STXBP6: variants seen among roughly 807,000 people sequenced by gnomAD.
STXBP6 encodes syntaxin binding protein 6, also known as syntaxin-binding protein 6.
Under a neutral mutation model 26.9 loss-of-function variants are expected in STXBP6, and 21 were observed. The observed-to-expected ratio is 0.78, with a 90% CI of 0.55 to 1.12. The LOEUF (loss-of-function observed/expected upper bound fraction) is 1.12, where lower values mean the gene tolerates loss of function less well. Among genes scored for constraint, STXBP6 ranks in the 50% most tolerant of loss-of-function variants. The pLI, the probability that STXBP6 is intolerant of heterozygous loss-of-function variation, is 0.00. For missense variants in STXBP6, 232 were observed against 257.9 expected (o/e 0.90, Z 0.69); for synonymous variants, 97 against 92.6 (o/e 1.05, Z -0.27).
intron 1 of STXBP6, among the ~76,000 whole-genome samples, chr14:25,035,487 C>A (rs767948641): frequency 6.6e-6 from 1 of 152,206 alleles, no homozygotes; most frequent in Non-Finnish European, 1.5e-5. Context: ...AAGTCCAGAT[C>A]TGACATATAC....
rs542960550 is a variant in STXBP6, at chr14:24,832,387, C to T, written c.452-13193G>A. Among the ~76,000 whole-genome samples, 3 of 152,328 alleles carry T rather than the reference C, an allele frequency of 2.0e-5. No homozygotes were observed. The South Asian group carries it at 6.2e-4, about 32-fold the overall frequency. On this transcript the variant is annotated intron_variant, in intron 4 of 5. Transcript: ENST00000323944. ...TTGGTGAATGTGAAATTGAGAACCT[C>T]ACCTCATAGACAGATTGGGTATTTG...
intron 2 of STXBP6, among the ~76,000 whole-genome samples, chr14:24,921,751 T>C (rs937480498): frequency 9.2e-5 from 14 of 152,110 alleles, no homozygotes; most frequent in African/African-American, 3.4e-4. Context: ...AAAAAGGAAA[T>C]TGTCCCCCTC....
At chr14:25,032,398 C>CA (rs1440354122) in intron 1 of STXBP6, among the ~76,000 whole-genome samples, 1 of 152,208 alleles carries the variant, frequency 6.6e-6, no homozygotes, top group Admixed American at 6.5e-5. Flanking sequence ...AAATGTAAAA[C>CA]AATCTCAAAT....
chr14:24,938,752 A>G (rs1165605911), intron 2 of STXBP6, among the ~76,000 whole-genome samples: 1 of 152,204 alleles, frequency 6.6e-6, no homozygotes, highest in Non-Finnish European at 1.5e-5. Flanking sequence ...GGGGTCCTCC[A>G]TAACGATCTG....
intron 2 of STXBP6, among the ~76,000 whole-genome samples, chr14:24,971,355 T>C (rs1271516364): frequency 6.6e-6 from 1 of 152,218 alleles, no homozygotes; most frequent in Non-Finnish European, 1.5e-5. Flanking sequence ...ATTTGATGCT[T>C]CATGCTGTTT....
At position 24,810,317 on chromosome 14, in the gene STXBP6, C is replaced by T. The variant is rs1461673485; in HGVS notation, c.*2392G>A. On this transcript the variant is annotated 3_prime_UTR_variant, in exon 6 of 6. Transcript: ENST00000323944. ...ACCGTATTAATACTTTGCACTGCAG[C>T]ACCTTCTACAAGAGGACAGCAAAGA... The T allele has an allele frequency of 6.6e-6, 1 of 152,204 alleles. No individual in the cohort carries two copies. Among genetic ancestry groups the T allele is most frequent in the Non-Finnish European group, 1.5e-5 (1 of 68,046 alleles). 9.4% of individuals were successfully genotyped at this position (152,204 alleles called of 1,614,324 possible).
chr14:25,028,866 A>G (rs2075398306), intron 1 of STXBP6, among the ~76,000 whole-genome samples: 1 of 152,160 alleles, frequency 6.6e-6, no homozygotes. Flanking sequence ...TAAACCTCAT[A>G]AATGACTTTG....
intron 2 of STXBP6, among the ~76,000 whole-genome samples, chr14:24,888,721 CAA>C (rs11292253): frequency 5.2e-4 from 49 of 95,106 alleles, no homozygotes; most frequent in Admixed American, 8.3e-4. Flanking sequence ...GACTCCGTCT[CAA>C]AAAAAAAAAA....
At position 24,834,253 on chromosome 14, in the gene STXBP6, C is replaced by T. The variant is rs149837958; in HGVS notation, c.452-15059G>A. On this transcript the variant is annotated intron_variant, in intron 4 of 5. Coordinates refer to ENST00000323944, the MANE Select transcript of STXBP6 (RefSeq NM_001394410.1). ...CAAGCAATCCTGCCATCTCACACTC[C>T]CAAAGTGCTGGATTATAGGTGTAAG... Among the ~76,000 whole-genome samples the T allele has an allele frequency of 1.5e-3, 232 of 152,272 alleles. 3 individuals carry two copies. Among genetic ancestry groups the T allele is most frequent in the Middle Eastern group, 0.01 (3 of 292 alleles).
chr14:25,025,092 A>G (rs1010907439), intron 1 of STXBP6, among the ~76,000 whole-genome samples: 1 of 152,220 alleles, frequency 6.6e-6, no homozygotes, highest in Non-Finnish European at 1.5e-5. Context: ...CATTAAAAAG[A>G]AAATGTGTTA....
intron 1 of STXBP6, chr14:24,987,814 T>G (rs1053291382): frequency 1.6e-5 from 16 of 984,860 alleles, no homozygotes; most frequent in Non-Finnish European, 1.8e-5. Context: ...GTGAACATAT[T>G]CTTAAAAAGG....
chr14:24,974,293 A>T lies in STXBP6; in HGVS notation c.154+372T>A, dbSNP rs541134245. ...TGTCTAGAAAAACAAAGCCAATGAA[A>T]GTCAGGCTGTGAGTAATGACAATTA... On this transcript the variant is annotated intron_variant, in intron 2 of 5. Coordinates refer to ENST00000323944, the MANE Select transcript of STXBP6 (RefSeq NM_001394410.1). Among the ~76,000 whole-genome samples the T allele has an allele frequency of 2.0e-5, 3 of 152,362 alleles. No individual in the cohort carries two copies. The South Asian group carries it at 6.2e-4, about 32-fold the overall frequency.
intron 2 of STXBP6, among the ~76,000 whole-genome samples, chr14:24,871,909 C>A (rs2069950182): frequency 6.6e-6 from 1 of 152,142 alleles, no homozygotes; most frequent in Admixed American, 6.5e-5. Context: ...TGCATCTGCT[C>A]GAGAGTCTTT....
At chr14:24,834,970 G>A (rs1209799729) in intron 4 of STXBP6, among the ~76,000 whole-genome samples, 1 of 152,148 alleles carries the variant, frequency 6.6e-6, no homozygotes, top group African/African-American at 2.4e-5. Flanking sequence ...CTAGTGCTAG[G>A]TGTTCACAAA....
chr14:24,887,417 T>C (rs1374865596), intron 2 of STXBP6, among the ~76,000 whole-genome samples: 5 of 152,216 alleles, frequency 3.3e-5, no homozygotes, highest in African/African-American at 1.2e-4. Context: ...AAAAGGTTTA[T>C]CTTTTAGAGG....
At chr14:25,006,709 T>C (rs1016109924) in intron 1 of STXBP6, among the ~76,000 whole-genome samples, 3 of 152,206 alleles carry the variant, frequency 2.0e-5, no homozygotes, top group African/African-American at 7.2e-5. Flanking sequence ...AAAATTTCCC[T>C]GATAAGGGCA....
intron 1 of STXBP6, among the ~76,000 whole-genome samples, chr14:25,010,007 G>A (rs1229722467): frequency 6.6e-6 from 1 of 152,128 alleles, no homozygotes; most frequent in Non-Finnish European, 1.5e-5. Flanking sequence ...GAGCTCCCGG[G>A]CAAAGGAAAA....
intron 2 of STXBP6, among the ~76,000 whole-genome samples, chr14:24,973,455 G>A (rs1052310008): frequency 7.1e-6 from 1 of 141,234 alleles, no homozygotes; most frequent in Non-Finnish European, 1.5e-5. Context: ...GTGTGATCTC[G>A]GCTCACTGCA....
In STXBP6 at chr14:24,861,035, C is replaced by G. The variant is rs192356669; in HGVS notation, c.155-3878G>C. On this transcript the variant is annotated intron_variant, in intron 2 of 5. Transcript: ENST00000323944. Reference sequence around the variant, plus strand: ...TTCATAACTTTATGTGGCCATTTCTCAAAAAAAGAAAGAAAGAAAGAGGGC... The same window carrying G: ...TTCATAACTTTATGTGGCCATTTCTGAAAAAAAGAAAGAAAGAAAGAGGGC... Among the ~76,000 whole-genome samples the G allele has an allele frequency of 2.3e-3, 351 of 151,840 alleles. 2 individuals carry two copies. Among genetic ancestry groups the G allele is most frequent in the African/African-American group, 8.1e-3 (334 of 41,392 alleles).
Sources: allele counts gnomAD v4.1 joint callset (sites outside exome capture counted in the v4.1 genomes callset), GRCh38; gene constraint gnomAD v4.1.1; transcripts MANE v1.5; gene names NCBI Gene and HGNC (gene_info 2026-07-23, HGNC 2026-07-21).